Variants in SLC15A4 observed in about 807,000 individuals in gnomAD.
SLC15A4 encodes solute carrier family 15 member 4.
In SLC15A4, 26 loss-of-function variants were observed where a neutral mutation model predicts 46.1. That is an observed-to-expected ratio of 0.56 (90% CI 0.41 to 0.78). SLC15A4 has a LOEUF of 0.78. SLC15A4 is among the 30% of genes least tolerant of loss of function. The pLI is 0.00. For missense variants in SLC15A4, 751 were observed against 755.7 expected (o/e 0.99, Z 0.07); for synonymous variants, 370 against 333.4 (o/e 1.11, Z -1.20).
chr12:128,802,784 C>A (rs1955532839), intron 5 of SLC15A4, among the ~76,000 whole-genome samples: 1 of 152,056 alleles, frequency 6.6e-6, no homozygotes. Flanking sequence ...AAGAGAGACA[C>A]AAATGATGAG....
At chr12:128,811,369 C>T (rs921424524) in intron 2 of SLC15A4, among the ~76,000 whole-genome samples, 2 of 152,168 alleles carry the variant, frequency 1.3e-5, no homozygotes, top group Non-Finnish European at 2.9e-5. Context: ...TAAGTCTGGA[C>T]ATTCAGAGTG....
chr12:128,800,659 G>A, intron 6 of SLC15A4, 195 bp downstream of exon 6: 1 of 525,406 alleles, frequency 1.9e-6, no homozygotes. Context: ...TTGCGATACT[G>A]TTTTTACACA....
chr12:128,810,026 C>G lies in SLC15A4; in HGVS notation c.928G>C (p.Glu310Gln). 6.2e-7 allele frequency: 1 copy of G among 1,614,180 alleles called. No individual in the cohort carries two copies. Among genetic ancestry groups the G allele is most frequent in the Non-Finnish European group, 8.5e-7 (1 of 1,180,030 alleles). Residue 310 changes from glutamate (E) to glutamine (Q), a missense_variant, in exon 3 of 8, where the codon GAG becomes CAG. Transcript: ENST00000266771. The part of the protein sequence containing the change: ...KMSHGGPFTE[E>Q]KVEDVKALVK... ...AGAGCTTTCACATCTTCCACTTTCT[C>G]TTCTGTAAATGGCCCACCATGAGAC...
chr12:128,799,382 T>C lies in SLC15A4; in HGVS notation c.1450A>G (p.Met484Val), dbSNP rs1279162812. 1.9e-6 allele frequency: 3 copies of C among 1,614,172 alleles called. No individual in the cohort carries two copies. The highest frequency in any genetic ancestry group is 2.5e-6 in the Non-Finnish European group (3 of 1,180,040). The part of the protein sequence containing the change: ...EFAYSAAPKS[M>V]QSAIMGLFFF... ...AACAAGCCCATTATGGCACTCTGCA[T>C]GGACTTGGGGGCAGCTGAGTATGCA... Residue 484 changes from methionine (M) to valine (V), a missense_variant, in exon 7 of 8, where the codon ATG becomes GTG. Met to Val is a conservative substitution (Grantham distance 21). Coordinates refer to ENST00000266771, the MANE Select transcript of SLC15A4 (RefSeq NM_145648.4).
intron 7 of SLC15A4, among the ~76,000 whole-genome samples, chr12:128,795,470 G>A (rs886196154): frequency 7.9e-5 from 12 of 152,152 alleles, no homozygotes; most frequent in East Asian, 3.8e-4. Context: ...GCTTGAATCC[G>A]GCCTCTGAGA....
chr12:128,801,225 T>G (rs1045077711), intron 5 of SLC15A4: 5 of 437,238 alleles, frequency 1.1e-5, no homozygotes, highest in Non-Finnish European at 1.6e-5. Context: ...CCTATTTCAC[T>G]TCGGCTTTTT....
At chr12:128,807,948 C>T (rs754448514) in intron 5 of SLC15A4, among the ~76,000 whole-genome samples, 8 of 152,232 alleles carry the variant, frequency 5.3e-5, no homozygotes, top group Admixed American at 6.5e-5. Flanking sequence ...GCTATGAAGG[C>T]AGCATTGTTT....
intron 5 of SLC15A4, among the ~76,000 whole-genome samples, chr12:128,805,589 A>G (rs370300937): frequency 5.9e-5 from 9 of 152,064 alleles, no homozygotes; most frequent in Admixed American, 3.3e-4. Flanking sequence ...CTGGAGTGCA[A>G]TGGCATGATC....
intron 1 of SLC15A4, among the ~76,000 whole-genome samples, chr12:128,822,529 C>T (rs188431723): frequency 6.6e-6 from 1 of 152,106 alleles, no homozygotes; most frequent in Non-Finnish European, 1.5e-5. Context: ...AGAAGGGTCC[C>T]GTTCATTTAT....
In SLC15A4 at chr12:128,811,924, G is replaced by A. The variant is rs1160470671; in HGVS notation, c.843-1813C>T. On this transcript the variant is annotated intron_variant, in intron 2 of 7. Transcript: ENST00000266771. ...TTTGCAACATACAAGGGTCCAACACGAAGCCACGGTCACAAGTGACACCCG... is the reference window on the plus strand; with the variant it reads ...TTTGCAACATACAAGGGTCCAACACAAAGCCACGGTCACAAGTGACACCCG... Among the ~76,000 whole-genome samples, 11 of 152,128 alleles carry A rather than the reference G, an allele frequency of 7.2e-5. No individual in the cohort carries two copies. In the South Asian group the frequency reaches 8.3e-4, roughly 11 times the overall value.
rs75139943 is a variant in SLC15A4 at position 128,801,352 on chromosome 12, G to C, written c.1259-343C>G. 611 of 182,846 alleles carry C rather than the reference G, an allele frequency of 3.3e-3. 3 individuals are homozygous for C. The highest frequency in any genetic ancestry group is 0.014 in the African/African-American group (574 of 42,478). 11.3% of individuals were successfully genotyped at this position (182,846 alleles called of 1,614,324 possible). A position where few individuals can be genotyped will look rare whatever the true frequency, so the allele number is the denominator to read the frequency against. Reference sequence around the variant, plus strand: ...AAGGGGAGTAGGAGAAAGTTAAAAAGTCCTACTGTAGAATTAACAGTAGTG... The same window carrying C: ...AAGGGGAGTAGGAGAAAGTTAAAAACTCCTACTGTAGAATTAACAGTAGTG... On this transcript the variant is annotated intron_variant, in intron 5 of 7. Coordinates refer to ENST00000266771, the MANE Select transcript of SLC15A4 (RefSeq NM_145648.4).
In SLC15A4 at chr12:128,823,931, C is replaced by G; in HGVS notation, c.13G>C (p.Gly5Arg). The G allele has an allele frequency of 1.5e-6, 1 of 646,518 alleles. No homozygotes were observed. The highest frequency in any genetic ancestry group is 1.9e-6 in the Non-Finnish European group (1 of 520,900). 40.0% of individuals were successfully genotyped at this position (646,518 alleles called of 1,614,324 possible). MEGS[G>R]GGAGERAPLL... ...GGCGCCCGCTCGCCCGCACCGCCCC[C>G]AGAGCCCTCCATGCGACGCCGCCAG... The change falls in exon 1 of 8, where the codon GGG (glycine) becomes CGG (arginine). Residue 5 changes from glycine (G) to arginine (R), a missense_variant. By Grantham distance (125) the Gly-to-Arg change is moderately radical (BLOSUM62 -2). Transcript: ENST00000266771.
At chr12:128,816,414 T>C (rs919617327) in intron 1 of SLC15A4, among the ~76,000 whole-genome samples, 1 of 152,252 alleles carries the variant, frequency 6.6e-6, no homozygotes, top group African/African-American at 2.4e-5. Context: ...AAACTTCTAC[T>C]GTCTCATTCT....
Position 128,823,253 on chromosome 12 carries a change from G to A in SLC15A4, c.546+145C>T, listed in dbSNP as rs1474803157. The A allele has an allele frequency of 3.9e-6, 3 of 777,260 alleles. No homozygotes were observed. In the East Asian group the frequency reaches 1.0e-4, roughly 26 times the overall value. The allele number at this position is 777,260 out of a possible 1,614,324, so 48.1% of individuals were successfully genotyped here. On this transcript the variant is annotated intron_variant, in intron 1 of 7. Coordinates refer to ENST00000266771, the MANE Select transcript of SLC15A4 (RefSeq NM_145648.4). ...TACCTCCAGTCTTGGCCCACCTGCTGGCGGGATTCCTCGGCACTAGACAGA... is the reference window on the plus strand; with the variant it reads ...TACCTCCAGTCTTGGCCCACCTGCTAGCGGGATTCCTCGGCACTAGACAGA...
intron 2 of SLC15A4, chr12:128,814,457 C>A (rs2135718937): frequency 3.3e-6 from 1 of 305,550 alleles, no homozygotes; most frequent in African/African-American, 2.1e-5. Flanking sequence ...TGTCTTCTGT[C>A]TCCTCGATGT....
intron 5 of SLC15A4, 30 bp from the exon 6 acceptor site, chr12:128,801,039 T>C: frequency 5.8e-6 from 9 of 1,557,474 alleles, no homozygotes; most frequent in Non-Finnish European, 7.0e-6. Context: ...TAGTGTAATA[T>C]TCATTTATTA....
At chr12:128,805,718 G>T (rs1012867389) in intron 5 of SLC15A4, among the ~76,000 whole-genome samples, 5 of 152,070 alleles carry the variant, frequency 3.3e-5, no homozygotes, top group African/African-American at 1.2e-4. Flanking sequence ...TTTTGGTAGA[G>T]ATGGGGTTTC....
At chr12:128,806,567 AT>A (rs1414166847) in intron 5 of SLC15A4, among the ~76,000 whole-genome samples, 1 of 152,248 alleles carries the variant, frequency 6.6e-6, no homozygotes, top group African/African-American at 2.4e-5. Context: ...ATGAAACCTC[AT>A]CAAACATGGG....
chr12:128,800,732 G>A, intron 6 of SLC15A4, 122 bp downstream of exon 6: 2 of 1,030,766 alleles, frequency 1.9e-6, no homozygotes, highest in Non-Finnish European at 2.7e-6. Flanking sequence ...ACCACACACT[G>A]CCAAAAACTA....
Sources: gnomAD v4.1 joint callset for allele counts (sites outside exome capture counted in the v4.1 genomes callset) on GRCh38, gnomAD v4.1.1 for gene constraint, MANE v1.5 for transcripts, NCBI Gene and HGNC (gene_info 2026-07-23, HGNC 2026-07-21) for gene names.